Variants in PCDHA8 observed in about 807,000 individuals in gnomAD.
PCDHA8 encodes the protein protocadherin alpha-8.
PCDHA8 carries 53 observed loss-of-function variants against 61.8 expected under a neutral mutation model. The ratio of observed to expected loss-of-function variants is 0.86; its 90% CI spans 0.69 to 1.08. The LOEUF (loss-of-function observed/expected upper bound fraction) is 1.08. Among genes scored for constraint, PCDHA8 ranks in the 50% least tolerant of loss-of-function variants. The pLI is 0.00. For synonymous variants in PCDHA8, 618 were observed against 556.6 expected (o/e 1.11, Z -1.55); for missense variants, 1,293 against 1,245.0 (o/e 1.04, Z -0.58).
intron 3 of PCDHA8, among the ~76,000 whole-genome samples, chr5:140,995,324 G>C (rs1290299693): frequency 1.3e-5 from 2 of 152,190 alleles, no homozygotes; most frequent in Non-Finnish European, 2.9e-5. Context: ...GAACTAACAG[G>C]TGAGTAGTGT....
chr5:140,863,403 C>A (rs1554158174), intron 1 of PCDHA8: 1 of 835,368 alleles, frequency 1.2e-6, no homozygotes, highest in South Asian at 1.3e-5. Flanking sequence ...CGGGCAAGCC[C>A]ACGCTGGTGT....
chr5:140,918,503 C>G (rs2078725431), intron 1 of PCDHA8, among the ~76,000 whole-genome samples: 1 of 152,056 alleles, frequency 6.6e-6, no homozygotes, highest in Non-Finnish European at 1.5e-5. Flanking sequence ...GGTACCAATC[C>G]TTTTAAACTT....
chr5:140,930,072 C>G (rs2086579078), intron 1 of PCDHA8: 1 of 152,132 alleles, frequency 6.6e-6, no homozygotes, highest in Admixed American at 6.5e-5. Flanking sequence ...AACTGTAAGC[C>G]TCTCTCATAA....
intron 1 of PCDHA8, among the ~76,000 whole-genome samples, chr5:140,959,379 A>T (rs2095484732): frequency 6.6e-6 from 1 of 152,176 alleles, no homozygotes; most frequent in Admixed American, 6.5e-5. Context: ...GTCTCAAAAA[A>T]AAAAGTCACA....
In PCDHA8 at chr5:140,842,451, T is replaced by A; in HGVS notation, c.1130T>A (p.Leu377His). 6.2e-7 allele frequency: 1 copy of A among 1,613,846 alleles called. No homozygotes were observed. The highest frequency in any genetic ancestry group is 1.1e-5 in the South Asian group (1 of 91,078). The change falls in exon 1 of 4, where the codon CTC becomes CAC. Residue 377 changes from leucine (L) to histidine (H), a missense_variant. Transcript: ENST00000531613. ...ATCGCCCTAATTAGCGTGAACGACC[T>A]CGATTCAGGTGCCAACGGGCAGGTG... ...TVIALISVND[L>H]DSGANGQVTC... is the part of the protein sequence containing the mutation.
intron 1 of PCDHA8, among the ~76,000 whole-genome samples, chr5:140,902,501 A>G (rs1264806549): frequency 1.3e-5 from 2 of 152,020 alleles, no homozygotes; most frequent in Admixed American, 6.6e-5. Context: ...ACTAGCTGTG[A>G]GTCTGTCATA....
At chr5:140,938,752 A>G (rs1213369856) in intron 1 of PCDHA8, among the ~76,000 whole-genome samples, 1 of 152,146 alleles carries the variant, frequency 6.6e-6, no homozygotes, top group Non-Finnish European at 1.5e-5. Flanking sequence ...TTTTAAAGGC[A>G]TAGTTATTGG....
At chr5:140,924,837 G>A (rs1310509638) in intron 1 of PCDHA8, among the ~76,000 whole-genome samples, 2 of 151,426 alleles carry the variant, frequency 1.3e-5, no homozygotes, top group African/African-American at 4.9e-5. Flanking sequence ...GGAGGTTGCA[G>A]GGAGCTCAGA....
chr5:140,893,958 T>C (rs1391607597), intron 1 of PCDHA8, among the ~76,000 whole-genome samples: 2 of 152,228 alleles, frequency 1.3e-5, no homozygotes, highest in African/African-American at 4.8e-5. Flanking sequence ...ACTTTATTAG[T>C]CATTAGATAC....
intron 3 of PCDHA8, among the ~76,000 whole-genome samples, chr5:140,999,034 T>A (rs953509791): frequency 6.6e-6 from 1 of 152,210 alleles, no homozygotes; most frequent in East Asian, 1.9e-4. Flanking sequence ...TGATACTTCG[T>A]CCAGTGTGCT....
intron 1 of PCDHA8, chr5:140,850,077 C>T: frequency 6.3e-7 from 1 of 1,596,450 alleles, no homozygotes. Context: ...CCACGAGGAG[C>T]TGGAGCTGCT....
Position 140,877,726 on chromosome 5 carries a change from C to G in PCDHA8, c.2394+34011C>G, listed in dbSNP as rs781814794. On this transcript the variant is annotated intron_variant, in intron 1 of 3. Coordinates refer to ENST00000531613, the MANE Select transcript of PCDHA8 (RefSeq NM_018911.3). ...CGCCGTGGGGAGTTGGTCTTACTCGCAGCAGAGGAGGCAGAGGGTGTGCTC... is the reference window on the plus strand; with the variant it reads ...CGCCGTGGGGAGTTGGTCTTACTCGGAGCAGAGGAGGCAGAGGGTGTGCTC... 30 of 1,614,056 alleles carry G rather than the reference C, an allele frequency of 1.9e-5. No homozygotes were observed. In the African/African-American group the frequency reaches 3.7e-4, roughly 20 times the overall value.
rs782646556 is a variant in PCDHA8 at position 140,869,083 on chromosome 5, T to G, written c.2394+25368T>G. 1.6e-5 allele frequency: 26 copies of G among 1,582,872 alleles called. No individual in the cohort carries two copies. The South Asian group carries it at 2.9e-4, about 18-fold the overall frequency. On this transcript the variant is annotated intron_variant, in intron 1 of 3. Coordinates refer to ENST00000531613, the MANE Select transcript of PCDHA8 (RefSeq NM_018911.3). ...ACTGTAAGTGTAAAGAAGCTTATTT[T>G]GGAAGCCAATTTCGTATGCGATGTT...
chr5:140,936,831 A>T lies in PCDHA8; in HGVS notation c.2395-42118A>T, dbSNP rs142448727. 3.1e-3 allele frequency among the ~76,000 whole-genome samples: 478 copies of T among 152,252 alleles called. 2 individuals are homozygous for T. Among genetic ancestry groups the T allele is most frequent in the African/African-American group, 0.011 (455 of 41,554 alleles). Reference sequence around the variant, plus strand: ...GCTATTTTTGGCCCTTTGCATTTCTATATAAATTGTAGATTCAGCTTCTCA... The same window carrying T: ...GCTATTTTTGGCCCTTTGCATTTCTTTATAAATTGTAGATTCAGCTTCTCA... On this transcript the variant is annotated intron_variant, in intron 1 of 3. Transcript: ENST00000531613.
At chr5:140,941,381 A>G (rs2093056743) in intron 1 of PCDHA8, among the ~76,000 whole-genome samples, 1 of 128,140 alleles carries the variant, frequency 7.8e-6, no homozygotes, top group Non-Finnish European at 1.6e-5. Context: ...TAGTGACAGG[A>G]TTTTGGCTCA....
intron 1 of PCDHA8, chr5:140,849,905 G>C: frequency 6.3e-7 from 1 of 1,598,320 alleles, no homozygotes; most frequent in Non-Finnish European, 8.6e-7. Flanking sequence ...ACAACCCGCC[G>C]GGCTGCCACA....
chr5:140,870,271 C>T (rs2051826884), intron 1 of PCDHA8: 1 of 1,614,176 alleles, frequency 6.2e-7, no homozygotes, highest in Non-Finnish European at 8.5e-7. Flanking sequence ...CTCGCTGACG[C>T]CCCACGTTCC....
chr5:140,899,833 G>T (rs2067579431), intron 1 of PCDHA8, among the ~76,000 whole-genome samples: 1 of 152,094 alleles, frequency 6.6e-6, no homozygotes, highest in African/African-American at 2.4e-5. Flanking sequence ...TTTTGAGACA[G>T]GTCTTGCTGT....
intron 1 of PCDHA8, among the ~76,000 whole-genome samples, chr5:140,959,564 G>T (rs1440482785): frequency 6.6e-6 from 1 of 152,072 alleles, no homozygotes; most frequent in Non-Finnish European, 1.5e-5. Flanking sequence ...ATCAGTACTA[G>T]ATTTTTTGTT....
Sources: gnomAD v4.1 joint callset for allele counts (sites outside exome capture counted in the v4.1 genomes callset) on GRCh38, gnomAD v4.1.1 for gene constraint, MANE v1.5 for transcripts, NCBI Gene and HGNC (gene_info 2026-07-23, HGNC 2026-07-21) for gene names.